Variants in TRPM3 observed in about 807,000 individuals in gnomAD.
The protein encoded by TRPM3 is transient receptor potential cation channel subfamily M member 3.
A neutral mutation model predicts 181.2 loss-of-function variants in TRPM3; 77 were observed. The observed-to-expected ratio is 0.42, with a 90% CI of 0.35 to 0.51. The LOEUF is 0.51. TRPM3 is among the 20% of genes least tolerant of loss of function. TRPM3 has a pLI of 0.01. For synonymous variants in TRPM3, 745 were observed against 796.4 expected, an observed-to-expected ratio of 0.94 and a Z score of 1.09; for missense variants, 1,759 against 2,196.7, an observed-to-expected ratio of 0.80 and a Z score of 3.98.
intron 5 of TRPM3, 117 bp from the exon 6 acceptor site, chr9:70,828,135 A>C: frequency 1.9e-6 from 2 of 1,043,646 alleles, no homozygotes; most frequent in South Asian, 3.3e-5. Flanking sequence ...GGTACAGTGA[A>C]AGTACAGTCT....
At chr9:71,283,625 C>T (rs1027703638) in intron 1 of TRPM3, among the ~76,000 whole-genome samples, 3 of 152,148 alleles carry the variant, frequency 2.0e-5, no homozygotes, top group Non-Finnish European at 4.4e-5. Context: ...AAAGCTAAAT[C>T]GTATCCCATT....
intron 1 of TRPM3, among the ~76,000 whole-genome samples, chr9:70,939,264 C>T (rs2096861259): frequency 6.6e-6 from 1 of 152,164 alleles, no homozygotes; most frequent in South Asian, 2.1e-4. Context: ...AAGTTATTGT[C>T]TTTATTTATG....
At chr9:70,890,012 A>G (rs1164019656) in intron 1 of TRPM3, among the ~76,000 whole-genome samples, 4 of 148,116 alleles carry the variant, frequency 2.7e-5, no homozygotes, top group Non-Finnish European at 5.9e-5. Flanking sequence ...TATATATTCT[A>G]TATAGCATAT....
intron 1 of TRPM3, among the ~76,000 whole-genome samples, chr9:71,316,286 A>G (rs995125444): frequency 6.6e-6 from 1 of 152,088 alleles, no homozygotes; most frequent in African/African-American, 2.4e-5. Context: ...ACGCTCTAAA[A>G]CATGTCCATT....
At chr9:71,008,574 G>A (rs1211398428) in intron 1 of TRPM3, among the ~76,000 whole-genome samples, 3 of 152,188 alleles carry the variant, frequency 2.0e-5, no homozygotes, top group Non-Finnish European at 1.5e-5. Flanking sequence ...CAGGCGTGGT[G>A]GCTCATGCTT....
intron 1 of TRPM3, among the ~76,000 whole-genome samples, chr9:71,375,277 G>C (rs1296242563): frequency 6.6e-6 from 1 of 152,090 alleles, no homozygotes; most frequent in Non-Finnish European, 1.5e-5. Context: ...GTTTCAGAAA[G>C]GACTCCCTAT....
intron 1 of TRPM3, among the ~76,000 whole-genome samples, chr9:71,133,973 T>TTGTGTGTG (rs72198070): frequency 1.3e-4 from 19 of 148,458 alleles, no homozygotes; most frequent in African/African-American, 4.5e-4. Flanking sequence ...CTGTGTGTGT[T>TTGTGTGTG]TGTGTGTGTG....
chr9:71,279,014 C>A (rs953965992), intron 1 of TRPM3, among the ~76,000 whole-genome samples: 2 of 138,242 alleles, frequency 1.4e-5, no homozygotes, highest in South Asian at 4.7e-4. Context: ...TCTCTCCTCA[C>A]CAAACTTATC....
At chr9:70,904,332 G>A (rs1418723286) in intron 1 of TRPM3, among the ~76,000 whole-genome samples, 4 of 151,868 alleles carry the variant, frequency 2.6e-5, no homozygotes, top group Admixed American at 2.0e-4. Context: ...TGTCTGATAA[G>A]AAAAAAAAGT....
chr9:70,869,958 C>T (rs1173610855), intron 1 of TRPM3, among the ~76,000 whole-genome samples: 1 of 151,946 alleles, frequency 6.6e-6, no homozygotes, highest in Non-Finnish European at 1.5e-5. Context: ...GATAAAAGAG[C>T]TTAAATTTCA....
intron 1 of TRPM3, among the ~76,000 whole-genome samples, chr9:71,313,461 G>A (rs529551156): frequency 6.4e-4 from 97 of 152,192 alleles, no homozygotes; most frequent in African/African-American, 2.3e-3. Context: ...GCATTAAGAT[G>A]TCATTTATGT....
intron 1 of TRPM3, among the ~76,000 whole-genome samples, chr9:71,275,864 C>T (rs1436720735): frequency 5.8e-5 from 8 of 137,752 alleles, no homozygotes; most frequent in African/African-American, 2.2e-4. Flanking sequence ...TTTTTTGAGA[C>T]AGAGTCTTGC....
At chr9:70,963,642 C>T (rs2097158885) in intron 1 of TRPM3, among the ~76,000 whole-genome samples, 1 of 152,058 alleles carries the variant, frequency 6.6e-6, no homozygotes, top group East Asian at 1.9e-4. Context: ...AAAATGTTTA[C>T]AAAAATGAGG....
At chr9:70,972,243 A>G (rs2097254959) in intron 1 of TRPM3, among the ~76,000 whole-genome samples, 1 of 152,266 alleles carries the variant, frequency 6.6e-6, no homozygotes, top group Admixed American at 6.5e-5. Context: ...AAAAAGGAAT[A>G]CAATTGTGAT....
intron 1 of TRPM3, among the ~76,000 whole-genome samples, chr9:70,962,217 T>G (rs974631712): frequency 5.3e-5 from 8 of 152,246 alleles, no homozygotes; most frequent in Admixed American, 5.2e-4. Context: ...AGTGAGGGTG[T>G]TTCCCAGTAA....
chr9:71,361,183 C>T (rs904952123), intron 1 of TRPM3, among the ~76,000 whole-genome samples: 2 of 152,110 alleles, frequency 1.3e-5, no homozygotes, highest in African/African-American at 2.4e-5. Context: ...AACAGGGTTT[C>T]ACCATGTTGG....
chr9:70,684,709 A>G (rs1207259486), intron 8 of TRPM3, among the ~76,000 whole-genome samples: 7 of 152,314 alleles, frequency 4.6e-5, no homozygotes, highest in Non-Finnish European at 1.0e-4. Flanking sequence ...GAATTAAAAT[A>G]GTAGTTTTGG....
At chr9:70,775,606 C>T (rs571471991) in intron 7 of TRPM3, 1 of 152,300 alleles carries the variant, frequency 6.6e-6, no homozygotes, top group East Asian at 1.9e-4. Context: ...ACAGCTGCCT[C>T]AGAGCTGCCT....
At chr9:71,083,955 A>G (rs543934679) in intron 1 of TRPM3, among the ~76,000 whole-genome samples, 4 of 152,100 alleles carry the variant, frequency 2.6e-5, no homozygotes, top group Non-Finnish European at 5.9e-5. Context: ...ATTTCCTGGC[A>G]TAGGGCATCC....
Sources: gnomAD v4.1 joint callset for allele counts (sites outside exome capture counted in the v4.1 genomes callset) on GRCh38, gnomAD v4.1.1 for gene constraint, MANE v1.5 for transcripts, NCBI Gene and HGNC (gene_info 2026-07-23, HGNC 2026-07-21) for gene names.